FANCL: variants seen among roughly 807,000 people sequenced by gnomAD.
FANCL encodes FA complementation group L.
A neutral mutation model predicts 59.4 loss-of-function variants in FANCL; 69 were observed. The observed-to-expected ratio is 1.16, with a 90% CI of 0.96 to 1.42. FANCL has a LOEUF of 1.42. Among genes scored for constraint, FANCL ranks in the 40% most tolerant of loss-of-function variants. FANCL has a pLI of 0.00. For missense variants in FANCL, 519 were observed against 447.2 expected, an observed-to-expected ratio of 1.16 and a Z score of -1.45; for synonymous variants, 180 against 147.1, an observed-to-expected ratio of 1.22 and a Z score of -1.62.
intron 5 of FANCL, among the ~76,000 whole-genome samples, chr2:58,219,664 G>T (rs1692281255): frequency 6.6e-6 from 1 of 151,972 alleles, no homozygotes. Flanking sequence ...CAAAAGTCAG[G>T]TAAGATTAGC....
At chr2:58,159,906 A>G in intron 13 of FANCL, 106 bp from the exon 14 acceptor site, 1 of 1,551,742 alleles carries the variant, frequency 6.4e-7, no homozygotes, top group East Asian at 2.3e-5. Flanking sequence ...TACAGTTTGG[A>G]AAACACTTCT....
intron 4 of FANCL, among the ~76,000 whole-genome samples, chr2:58,222,654 T>C (rs982598946): frequency 6.6e-6 from 1 of 152,080 alleles, no homozygotes; most frequent in Admixed American, 6.5e-5. Flanking sequence ...AAAATGTTTA[T>C]GTTCTCCCAA....
chr2:58,189,537 A>G (rs1688724398), intron 7 of FANCL, among the ~76,000 whole-genome samples: 1 of 152,150 alleles, frequency 6.6e-6, no homozygotes, highest in Non-Finnish European at 1.5e-5. Flanking sequence ...AGGGAAAGAT[A>G]TATGTGAGAA....
intron 7 of FANCL, among the ~76,000 whole-genome samples, chr2:58,173,248 C>A (rs563561001): frequency 9.5e-4 from 145 of 152,284 alleles, no homozygotes; most frequent in African/African-American, 3.1e-3. Flanking sequence ...CCCAATCTAG[C>A]AAGGCAGGCC....
Position 58,204,169 on chromosome 2 carries a change from A to T in FANCL, c.432T>A (p.Ser144=). 1 of 1,613,352 alleles carries T rather than the reference A, an allele frequency of 6.2e-7. No individual in the cohort carries two copies. Residue 144 remains serine, a synonymous_variant, in exon 6 of 14, where the codon TCT becomes TCA. Coordinates refer to ENST00000233741, the MANE Select transcript of FANCL (RefSeq NM_018062.4). Reference sequence around the variant, plus strand: ...TGAGAGTGATTAAATGCTCTCTACCAGAAGCATCTTCTGCTTTTAACTTGA... The same window carrying T: ...TGAGAGTGATTAAATGCTCTCTACCTGAAGCATCTTCTGCTTTTAACTTGA... ...STIKLKAEDA[S]GREHLITLKL... is the part of the protein sequence containing the mutation.
At chr2:58,172,116 C>CCCA (rs1686703647) in intron 7 of FANCL, among the ~76,000 whole-genome samples, 1 of 152,218 alleles carries the variant, frequency 6.6e-6, no homozygotes, top group African/African-American at 2.4e-5. Flanking sequence ...CTGGGTGGAG[C>CCCA]CCACCACAGC....
intron 7 of FANCL, among the ~76,000 whole-genome samples, chr2:58,186,832 GT>G (rs1688451087): frequency 6.6e-6 from 1 of 152,162 alleles, no homozygotes; most frequent in Non-Finnish European, 1.5e-5. Flanking sequence ...ATGTGGTTGA[GT>G]AAAAAGTGCT....
intron 7 of FANCL, among the ~76,000 whole-genome samples, chr2:58,189,008 A>G (rs1434860335): frequency 6.6e-6 from 1 of 152,218 alleles, no homozygotes; most frequent in Non-Finnish European, 1.5e-5. Context: ...TGGCACAGAA[A>G]AGTACCCAGA....
chr2:58,167,037 C>A (rs1351574868), intron 7 of FANCL, among the ~76,000 whole-genome samples: 1 of 152,158 alleles, frequency 6.6e-6, no homozygotes, highest in African/African-American at 2.4e-5. Context: ...TAAGGTGAAA[C>A]CTTGTCTCTT....
Position 58,163,521 on chromosome 2 carries a change from G to C in FANCL, c.692-4C>G, listed in dbSNP as rs751346195. ...ATATTTATGGAAACATTATTACCTAGAATGAAACAAGATTAAATCTTTTAG... is the reference window on the plus strand; with the variant it reads ...ATATTTATGGAAACATTATTACCTACAATGAAACAAGATTAAATCTTTTAG... On this transcript the variant is annotated splice_region_variant and splice_polypyrimidine_tract_variant and intron_variant, in intron 8 of 13. Transcript: ENST00000233741. 1 of 1,555,024 alleles carries C rather than the reference G, an allele frequency of 6.4e-7. No individual in the cohort carries two copies. The highest frequency in any genetic ancestry group is 8.9e-7 in the Non-Finnish European group (1 of 1,127,092).
chr2:58,229,360 A>G (rs1693350180), intron 3 of FANCL, among the ~76,000 whole-genome samples: 1 of 152,198 alleles, frequency 6.6e-6, no homozygotes, highest in South Asian at 2.1e-4. Context: ...CTGCCTATTA[A>G]CACACTAAGC....
intron 11 of FANCL, among the ~76,000 whole-genome samples, chr2:58,161,888 A>G (rs1404933594): frequency 1.3e-5 from 2 of 151,962 alleles, no homozygotes; most frequent in Non-Finnish European, 2.9e-5. Flanking sequence ...AGAATGTTTT[A>G]TAAATATAGT....
intron 12 of FANCL, among the ~76,000 whole-genome samples, 190 bp from the exon 13 acceptor site, chr2:58,160,369 G>GAACT (rs1459994126): frequency 2.6e-5 from 4 of 151,980 alleles, no homozygotes; most frequent in Non-Finnish European, 4.4e-5. Context: ...GAGTAACAAG[G>GAACT]GAAATCAACA....
chr2:58,234,915 A>T (rs1307958876), intron 1 of FANCL, among the ~76,000 whole-genome samples: 1 of 152,060 alleles, frequency 6.6e-6, no homozygotes, highest in African/African-American at 2.4e-5. Flanking sequence ...TGGACAAAAC[A>T]TATGAAACAA....
intron 7 of FANCL, among the ~76,000 whole-genome samples, chr2:58,175,684 A>G (rs1313712240): frequency 6.6e-6 from 1 of 152,230 alleles, no homozygotes; most frequent in Non-Finnish European, 1.5e-5. Flanking sequence ...TATCACAGTG[A>G]ATGGGCAAAA....
chr2:58,174,141 T>C (rs1390201050), intron 7 of FANCL, among the ~76,000 whole-genome samples: 2 of 152,060 alleles, frequency 1.3e-5, no homozygotes, highest in Non-Finnish European at 2.9e-5. Flanking sequence ...ATAAAACAAG[T>C]CCTGAGTGAC....
At chr2:58,191,368 A>G (rs566364331) in intron 7 of FANCL, among the ~76,000 whole-genome samples, 1 of 151,984 alleles carries the variant, frequency 6.6e-6, no homozygotes, top group South Asian at 2.1e-4. Context: ...CCTGCTATAT[A>G]AGAATATTTT....
chr2:58,178,748 A>C (rs1687625927), intron 7 of FANCL, among the ~76,000 whole-genome samples: 2 of 152,198 alleles, frequency 1.3e-5, no homozygotes, highest in Admixed American at 1.3e-4. Flanking sequence ...CAGGCAAGAG[A>C]AAGAAATAAA....
intron 9 of FANCL, 111 bp downstream of exon 9, chr2:58,163,323 G>T (rs1449837466): frequency 1.1e-5 from 9 of 855,132 alleles, no homozygotes; most frequent in African/African-American, 1.7e-5. Flanking sequence ...CTCCGTCTCA[G>T]ACAAAAAATA....
Sources: allele counts gnomAD v4.1 joint callset (sites outside exome capture counted in the v4.1 genomes callset), GRCh38; gene constraint gnomAD v4.1.1; transcripts MANE v1.5; gene names NCBI Gene and HGNC (gene_info 2026-07-23, HGNC 2026-07-21).